The following KDSR variants were observed in gnomAD, a reference collection of about 807,000 sequenced individuals.
KDSR encodes 3-ketodihydrosphingosine reductase.
Under a neutral mutation model 41.3 loss-of-function variants are expected in KDSR, and 23 were observed. The observed-to-expected ratio is 0.56, with a 90% CI of 0.40 to 0.79. KDSR has a LOEUF of 0.79. Among genes scored for constraint, KDSR ranks in the 30% least tolerant of loss-of-function variants. The pLI, the probability that KDSR is intolerant of heterozygous loss-of-function variation, is 0.00. For synonymous variants in KDSR, 138 were observed against 151.7 expected (o/e 0.91, Z 0.66); for missense variants, 351 against 416.8 (o/e 0.84, Z 1.37).
chr18:63,364,423 A>G (rs1006112178), intron 1 of KDSR, among the ~76,000 whole-genome samples: 4 of 151,998 alleles, frequency 2.6e-5, no homozygotes, highest in African/African-American at 9.7e-5. Context: ...ATTTCACTGA[A>G]TAAGTGAACA....
chr18:63,340,837 G>A (rs1914322868), intron 7 of KDSR, among the ~76,000 whole-genome samples: 2 of 152,228 alleles, frequency 1.3e-5, no homozygotes, highest in Admixed American at 1.3e-4. Context: ...AAGGCACTTT[G>A]TAGAAACAGA....
intron 8 of KDSR, among the ~76,000 whole-genome samples, chr18:63,336,237 C>G (rs1914152644): frequency 6.6e-6 from 1 of 152,118 alleles, no homozygotes. Flanking sequence ...ACCATGTTGG[C>G]CAGGCTGGTC....
intron 5 of KDSR, among the ~76,000 whole-genome samples, chr18:63,353,560 A>T (rs1325522645): frequency 6.6e-6 from 1 of 152,184 alleles, no homozygotes; most frequent in Non-Finnish European, 1.5e-5. Context: ...TCTATTTAAT[A>T]AGCAGTCAGC....
chr18:63,337,282 A>C (rs1914203789), intron 8 of KDSR, among the ~76,000 whole-genome samples: 1 of 151,644 alleles, frequency 6.6e-6, no homozygotes, highest in South Asian at 2.1e-4. Flanking sequence ...CACCCGACTA[A>C]TTTTTGTATT....
chr18:63,337,113 A>AATATATATATAT lies in KDSR; in HGVS notation c.777+1675_777+1686dup, dbSNP rs139383635. Reference sequence around the variant, plus strand: ...GTGACTTTATATATATATATATGTGAATATATATATATATATATATATATG... The same window carrying AATATATATATAT: ...GTGACTTTATATATATATATATGTGAATATATATATATATATATATATATATATATATATATG... On this transcript the variant is annotated intron_variant, in intron 8 of 9. Coordinates refer to ENST00000645214, the MANE Select transcript of KDSR (RefSeq NM_002035.4). 9.9e-4 allele frequency among the ~76,000 whole-genome samples: 126 copies of AATATATATATAT among 127,754 alleles called. 4 individuals carry two copies. Among genetic ancestry groups the AATATATATATAT allele is most frequent in the African/African-American group, 3.9e-3 (121 of 31,408 alleles). The allele number at this position is 127,754 out of a possible 152,430, so 83.8% of individuals were successfully genotyped here.
intron 3 of KDSR, among the ~76,000 whole-genome samples, chr18:63,358,814 C>CAAAAAAAAAAAAAAAAAAAAAA (rs10652370): frequency 1.6e-5 from 1 of 62,646 alleles, no homozygotes; most frequent in African/African-American, 6.3e-5. Flanking sequence ...GACTCTGTCT[C>CAAAAAAAAAAAAAAAAAAAAAA]AAAAAAAAAA....
intron 1 of KDSR, 96 bp downstream of exon 1, chr18:63,366,915 C>A (rs1415623474): frequency 3.4e-6 from 2 of 582,286 alleles, no homozygotes; most frequent in African/African-American, 3.8e-5. Context: ...TCCTGGGGAC[C>A]GCGGCCTGGA....
At chr18:63,343,880 A>C (rs1914422381) in intron 7 of KDSR, among the ~76,000 whole-genome samples, 1 of 152,204 alleles carries the variant, frequency 6.6e-6, no homozygotes, top group Non-Finnish European at 1.5e-5. Flanking sequence ...TTCTTTGATA[A>C]AAATGTGCTG....
At chr18:63,348,979 G>T (rs1184266923) in intron 6 of KDSR, among the ~76,000 whole-genome samples, 1 of 152,204 alleles carries the variant, frequency 6.6e-6, no homozygotes, top group Non-Finnish European at 1.5e-5. Flanking sequence ...TGTGATTTCT[G>T]TCACTAAGTA....
chr18:63,340,528 A>C (rs989795996), intron 7 of KDSR, among the ~76,000 whole-genome samples: 1 of 152,244 alleles, frequency 6.6e-6, no homozygotes, highest in Non-Finnish European at 1.5e-5. Context: ...GTAAGTTCTG[A>C]TTAATTCCTT....
At chr18:63,355,093 C>G in intron 5 of KDSR, 111 bp downstream of exon 5, 2 of 715,120 alleles carry the variant, frequency 2.8e-6, no homozygotes, top group Non-Finnish European at 4.7e-6. Flanking sequence ...TCTTCTAAAG[C>G]TTCCATGGAC....
intron 6 of KDSR, 99 bp from the exon 7 acceptor site, chr18:63,344,592 G>T: frequency 1.3e-6 from 1 of 758,480 alleles, no homozygotes; most frequent in South Asian, 1.6e-5. Context: ...AAAAAGCGGT[G>T]AGAACAATGG....
intron 2 of KDSR, among the ~76,000 whole-genome samples, chr18:63,361,209 C>CA (rs71162630): frequency 0.048 from 738 of 15,476 alleles, 108 homozygotes; most frequent in Middle Eastern, 0.14. Flanking sequence ...AACTCCGTCT[C>CA]AAAAAAAAAA....
intron 5 of KDSR, 74 bp from the exon 6 acceptor site, chr18:63,351,153 T>C (rs988920250): frequency 6.3e-6 from 8 of 1,270,438 alleles, no homozygotes; most frequent in Non-Finnish European, 8.6e-6. Flanking sequence ...GTCTGCTTTC[T>C]GGATTTCAGT....
At chr18:63,334,842 T>C (rs1462590194) in intron 9 of KDSR, among the ~76,000 whole-genome samples, 1 of 152,250 alleles carries the variant, frequency 6.6e-6, no homozygotes, top group South Asian at 2.1e-4. Flanking sequence ...TCACTAAATT[T>C]AGCTGTGTGT....
chr18:63,357,592 A>ATTTTTTTT (rs758193283), intron 3 of KDSR, among the ~76,000 whole-genome samples: 26 of 117,948 alleles, frequency 2.2e-4, no homozygotes, highest in South Asian at 5.7e-4. Flanking sequence ...ATATATATAT[A>ATTTTTTTT]TATTTTTTTT....
intron 6 of KDSR, chr18:63,345,454 G>C (rs1356317577): frequency 6.6e-6 from 1 of 152,234 alleles, no homozygotes; most frequent in Non-Finnish European, 1.5e-5. Context: ...GCAACTCTAA[G>C]AGCAATGGTT....
At position 63,329,777 on chromosome 18, in the gene KDSR, GA is replaced by G. The variant is rs1913920139; in HGVS notation, c.*2004del. ...CTTTCTTGGACTAGATTCTAATATA[GA>G]TCAGCAGTAGAAGGTGCCAACATTC... On this transcript the variant is annotated 3_prime_UTR_variant, in exon 10 of 10. Coordinates refer to ENST00000645214, the MANE Select transcript of KDSR (RefSeq NM_002035.4). The G allele has an allele frequency of 5.1e-6, 1 of 194,402 alleles. No homozygotes were observed. The highest frequency in any genetic ancestry group is 6.1e-5 in the Admixed American group (1 of 16,436). The allele number at this position is 194,402 out of a possible 1,614,324, so 12.0% of individuals were successfully genotyped here.
At chr18:63,340,290 G>A (rs1224795991) in intron 7 of KDSR, among the ~76,000 whole-genome samples, 1 of 152,172 alleles carries the variant, frequency 6.6e-6, no homozygotes, top group East Asian at 1.9e-4. Context: ...TCTAAGACAG[G>A]ACATTTGGCT....
Sources: allele counts gnomAD v4.1 joint callset (sites outside exome capture counted in the v4.1 genomes callset), GRCh38; gene constraint gnomAD v4.1.1; transcripts MANE v1.5; gene names NCBI Gene and HGNC (gene_info 2026-07-23, HGNC 2026-07-21).